STARD4: variants seen among roughly 807,000 people sequenced by gnomAD.
The protein encoded by STARD4 is stAR-related lipid transfer protein 4.
A neutral mutation model predicts 24.9 loss-of-function variants in STARD4; 33 were observed. The observed-to-expected ratio is 1.32, with a 90% CI of 1.00 to 1.77. The LOEUF (loss-of-function observed/expected upper bound fraction) is 1.77, where lower values mean the gene tolerates loss of function less well. Ranked by LOEUF, STARD4 falls within the 40% of genes most tolerant of loss-of-function variation. The pLI is 0.00. For missense variants in STARD4, 238 were observed against 249.3 expected (o/e 0.95, Z 0.31); for synonymous variants, 88 against 77.4 (o/e 1.14, Z -0.72).
chr5:111,499,014 C>T lies in STARD4; in HGVS notation c.*872G>A, dbSNP rs1756251719. On this transcript the variant is annotated 3_prime_UTR_variant, in exon 6 of 6. Transcript: ENST00000296632. ...GGGCTCACTTTACCCATATTAACAA[C>T]AACAAAACAGTAGACACAGGAATAC... The T allele has an allele frequency of 6.6e-6, 1 of 152,106 alleles. No homozygotes were observed. The highest frequency in any genetic ancestry group is 1.5e-5 in the Non-Finnish European group (1 of 68,008). The allele number at this position is 152,106 out of a possible 1,614,324, so 9.4% of individuals were successfully genotyped here. A position where few individuals can be genotyped will look rare whatever the true frequency, so the allele number is the denominator to read the frequency against.
Position 111,507,469 on chromosome 5 carries a change from A to G in STARD4, c.-9-27T>C, listed in dbSNP as rs767977893. On this transcript the variant is annotated intron_variant, in intron 1 of 5. Coordinates refer to ENST00000296632, the MANE Select transcript of STARD4 (RefSeq NM_139164.3). This position sits in a 1 kb window ranked among gnomAD's most constrained non-coding sequence, Gnocchi z 4.4. ...TGTTATGGAGACCAAGATTAGCATCAGCAAATACCACAGTTTGAGGCAATA... is the reference window on the plus strand; with the variant it reads ...TGTTATGGAGACCAAGATTAGCATCGGCAAATACCACAGTTTGAGGCAATA... 2 of 1,577,252 alleles carry G rather than the reference A, an allele frequency of 1.3e-6. No homozygotes were observed. The highest frequency in any genetic ancestry group is 2.3e-5 in the South Asian group (2 of 88,382).
intron 5 of STARD4, 173 bp downstream of exon 5, chr5:111,500,829 A>C (rs925621550): frequency 3.9e-5 from 59 of 1,507,472 alleles, no homozygotes; most frequent in Non-Finnish European, 5.0e-5. Flanking sequence ...GAAGGGTTTC[A>C]AAACTCTTTT....
chr5:111,505,589 C>G (rs1756794102), intron 3 of STARD4, among the ~76,000 whole-genome samples: 1 of 152,146 alleles, frequency 6.6e-6, no homozygotes, highest in African/African-American at 2.4e-5. Flanking sequence ...ATGTTTCCTA[C>G]TGAATTGTCT....
intron 1 of STARD4, among the ~76,000 whole-genome samples, chr5:111,508,316 T>G (rs768318396): frequency 3.9e-5 from 6 of 152,068 alleles, no homozygotes; most frequent in Non-Finnish European, 7.4e-5. Context: ...CCACTATAAC[T>G]CCACCACCTA....
chr5:111,506,065 G>C (rs1439251191), intron 3 of STARD4, among the ~76,000 whole-genome samples: 8 of 151,862 alleles, frequency 5.3e-5, no homozygotes, highest in Non-Finnish European at 1.2e-4. Flanking sequence ...ACAGTGGCAG[G>C]TGCCTGTAAT....
At position 111,501,003 on chromosome 5, in the gene STARD4, A is replaced by T; in HGVS notation, c.396T>A (p.Cys132Ter). Residue 132 changes from cysteine (C) to a stop codon, truncating the protein, a stop_gained and splice_region_variant, in exon 5 of 6, where the codon TGT (cysteine) becomes TGA (stop). Coordinates refer to ENST00000296632, the MANE Select transcript of STARD4 (RefSeq NM_139164.3). LOFTEE classifies it high-confidence loss of function. The stretch of plus-strand genomic sequence containing the variant: ...AGCATAACATGTTGAGATTATTACC[A>T]CAAGATAAAAGCCCTTCTTTATAGC... Reference protein sequence around the residue: ...TVGYKEGLLSCGISLDWDEKR... With the variant: ...TVGYKEGLLS 6.2e-7 allele frequency: 1 copy of T among 1,613,816 alleles called. No individual in the cohort carries two copies. The highest frequency in any genetic ancestry group is 8.5e-7 in the Non-Finnish European group (1 of 1,179,876).
chr5:111,503,034 A>G lies in STARD4; in HGVS notation c.156-946T>C, dbSNP rs139256099. 2.4e-3 allele frequency among the ~76,000 whole-genome samples: 364 copies of G among 152,270 alleles called. 3 individuals carry two copies. The highest frequency in any genetic ancestry group is 8.3e-3 in the African/African-American group (346 of 41,564). ...CCATAAGGTTTCCACTTATTTTTAT[A>G]TTCTTTCCTCAGTTATCCTCTGACA... On this transcript the variant is annotated intron_variant, in intron 3 of 5. Transcript: ENST00000296632.
rs938079265 is a variant in STARD4 at position 111,507,888 on chromosome 5, A to G, written c.-9-446T>C. ...CCCCTGGCTTCCCTCAATTTGTCAC[A>G]GTATTCCTCATTTTAACAATTTACT... On this transcript the variant is annotated intron_variant, in intron 1 of 5. Coordinates refer to ENST00000296632, the MANE Select transcript of STARD4 (RefSeq NM_139164.3). The surrounding 1 kb of genome is among the most constrained non-coding windows in gnomAD (Gnocchi z 4.4). Among the ~76,000 whole-genome samples, 4 of 152,324 alleles carry G rather than the reference A, an allele frequency of 2.6e-5. No individual in the cohort carries two copies. The highest frequency in any genetic ancestry group is 9.6e-5 in the African/African-American group (4 of 41,578).
Position 111,497,740 on chromosome 5 carries a change from GT to G in STARD4, c.*2145del, listed in dbSNP as rs1225054811. ...AGAAGCAGCGGACTCAATTATTTAT[GT>G]TAATATCCATCCCAACCCACATCAT... On this transcript the variant is annotated 3_prime_UTR_variant, in exon 6 of 6. Transcript: ENST00000296632. 1 of 151,902 alleles carries G rather than the reference GT, an allele frequency of 6.6e-6. No individual in the cohort carries two copies. Among genetic ancestry groups the G allele is most frequent in the African/African-American group, 2.4e-5 (1 of 41,390 alleles). 9.4% of individuals were successfully genotyped at this position (151,902 alleles called of 1,614,324 possible).
intron 3 of STARD4, chr5:111,504,939 C>T (rs1234881898): frequency 4.6e-6 from 2 of 438,260 alleles, no homozygotes; most frequent in East Asian, 7.0e-5. Context: ...CTTTCACATG[C>T]ATTTGCCCTT....
At position 111,496,705 on chromosome 5, in the gene STARD4, A is replaced by ATGAT. The variant is rs1362309969; in HGVS notation, c.*3177_*3180dup. ...GCTTGAGATATTAATTGAATTCAGC[A>ATGAT]TGATTGTTGATAAAATGCCCTTTGG... On this transcript the variant is annotated 3_prime_UTR_variant, in exon 6 of 6. Coordinates refer to ENST00000296632, the MANE Select transcript of STARD4 (RefSeq NM_139164.3). 1 of 152,066 alleles carries ATGAT rather than the reference A, an allele frequency of 6.6e-6. No homozygotes were observed. 9.4% of individuals were successfully genotyped at this position (152,066 alleles called of 1,614,324 possible).
chr5:111,497,032 CT>C lies in STARD4; in HGVS notation c.*2853del, dbSNP rs1756136370. 6.6e-6 allele frequency: 1 copy of C among 151,780 alleles called. No individual in the cohort carries two copies. The highest frequency in any genetic ancestry group is 2.1e-4 in the South Asian group (1 of 4,804). 9.4% of individuals were successfully genotyped at this position (151,780 alleles called of 1,614,324 possible). A position where few individuals can be genotyped will look rare whatever the true frequency, so the allele number is the denominator to read the frequency against. ...GCAAAAGTATCACTTTTATAATAATCTTTTTCTTGTATGAAACTAATTTCCT... is the reference window on the plus strand; with the variant it reads ...GCAAAAGTATCACTTTTATAATAATCTTTTCTTGTATGAAACTAATTTCCT... On this transcript the variant is annotated 3_prime_UTR_variant, in exon 6 of 6. Transcript: ENST00000296632.
At chr5:111,504,485 T>C (rs943373709) in intron 3 of STARD4, among the ~76,000 whole-genome samples, 6 of 152,186 alleles carry the variant, frequency 3.9e-5, no homozygotes, top group Non-Finnish European at 8.8e-5. Flanking sequence ...TATGGATATA[T>C]AAATATATGG....
At chr5:111,506,297 A>T in intron 3 of STARD4, 33 bp downstream of exon 3, 1 of 1,294,656 alleles carries the variant, frequency 7.7e-7, no homozygotes, top group Non-Finnish European at 1.1e-6. Context: ...GAAATGTCTT[A>T]AGAGCTGTGT....
intron 3 of STARD4, among the ~76,000 whole-genome samples, chr5:111,503,471 A>G (rs1561537510): frequency 6.6e-6 from 1 of 152,132 alleles, no homozygotes; most frequent in Admixed American, 6.5e-5. Flanking sequence ...TCTACTAAAA[A>G]TACAAAAATT....
rs1186756075 is a variant in STARD4 at position 111,507,473 on chromosome 5, A to G, written c.-9-31T>C. On this transcript the variant is annotated intron_variant, in intron 1 of 5. Coordinates refer to ENST00000296632, the MANE Select transcript of STARD4 (RefSeq NM_139164.3). The surrounding 1 kb of genome is among the most constrained non-coding windows in gnomAD (Gnocchi z 4.4). Reference sequence around the variant, plus strand: ...ATGGAGACCAAGATTAGCATCAGCAAATACCACAGTTTGAGGCAATAGGCC... The same window carrying G: ...ATGGAGACCAAGATTAGCATCAGCAGATACCACAGTTTGAGGCAATAGGCC... The G allele has an allele frequency of 6.4e-7, 1 of 1,570,782 alleles. No individual in the cohort carries two copies. Among genetic ancestry groups the G allele is most frequent in the Admixed American group, 1.7e-5 (1 of 57,988 alleles).
rs997263024 is a variant in STARD4 at position 111,496,975 on chromosome 5, C to G, written c.*2911G>C. 21 of 151,718 alleles carry G rather than the reference C, an allele frequency of 1.4e-4. No homozygotes were observed. Among genetic ancestry groups the G allele is most frequent in the Admixed American group, 1.3e-4 (2 of 15,212 alleles). 9.4% of individuals were successfully genotyped at this position (151,718 alleles called of 1,614,324 possible). A position where few individuals can be genotyped will look rare whatever the true frequency, so the allele number is the denominator to read the frequency against. ...TACTGTTTTAAACTTTAAGGGTTAA[C>G]TAAGAGTTATCAACACAAACTAATA... On this transcript the variant is annotated 3_prime_UTR_variant, in exon 6 of 6. Coordinates refer to ENST00000296632, the MANE Select transcript of STARD4 (RefSeq NM_139164.3).
intron 4 of STARD4, 97 bp from the exon 5 acceptor site, chr5:111,501,213 T>A: frequency 1.6e-6 from 2 of 1,229,220 alleles, no homozygotes; most frequent in Non-Finnish European, 2.2e-6. Flanking sequence ...TAATATTTAT[T>A]TAAAATGTTT....
In STARD4 at chr5:111,501,944, A is replaced by G. The variant is rs1756482860; in HGVS notation, c.282+18T>C. ...ATGCACATACACACAGTCTAAAGTAATGTTTCTAAATAGATACCTCTTCAA... is the reference window on the plus strand; with the variant it reads ...ATGCACATACACACAGTCTAAAGTAGTGTTTCTAAATAGATACCTCTTCAA... On this transcript the variant is annotated intron_variant, in intron 4 of 5. Coordinates refer to ENST00000296632, the MANE Select transcript of STARD4 (RefSeq NM_139164.3). 6.2e-7 allele frequency: 1 copy of G among 1,613,476 alleles called. No homozygotes were observed. Among genetic ancestry groups the G allele is most frequent in the African/African-American group, 1.3e-5 (1 of 74,898 alleles).
Sources: allele counts gnomAD v4.1 joint callset (sites outside exome capture counted in the v4.1 genomes callset), GRCh38; gene constraint gnomAD v4.1.1; non-coding constraint Gnocchi (gnomAD v3.1); transcripts MANE v1.5; gene names NCBI Gene and HGNC (gene_info 2026-07-23, HGNC 2026-07-21).